Variants in ACSL3 observed in about 807,000 individuals in gnomAD.
ACSL3 encodes fatty acid CoA ligase Acsl3.
Under a neutral mutation model 84.7 loss-of-function variants are expected in ACSL3, and 34 were observed. The ratio of observed to expected loss-of-function variants is 0.40; its 90% CI spans 0.31 to 0.53. The LOEUF (loss-of-function observed/expected upper bound fraction) is 0.53. ACSL3 is among the 20% of genes least tolerant of loss of function. The pLI is 0.48. For synonymous variants in ACSL3, 315 were observed against 299.4 expected (o/e 1.05, Z -0.54); for missense variants, 680 against 873.1 (o/e 0.78, Z 2.79).
Position 222,932,815 on chromosome 2 carries a change from C to T in ACSL3, c.1733-351C>T, listed in dbSNP as rs1196847010. ...GCGCGGTGGCGGGCGCCTGTAGTCCCAGCTACTCGGGAGGCTGAGGCAGGA... is the reference window on the plus strand; with the variant it reads ...GCGCGGTGGCGGGCGCCTGTAGTCCTAGCTACTCGGGAGGCTGAGGCAGGA... On this transcript the variant is annotated intron_variant, in intron 14 of 16. Coordinates refer to ENST00000357430, the MANE Select transcript of ACSL3 (RefSeq NM_004457.5). Among the ~76,000 whole-genome samples the T allele has an allele frequency of 6.0e-5, 2 of 33,530 alleles. 1 individual carries two copies. Among genetic ancestry groups the T allele is most frequent in the Non-Finnish European group, 9.2e-5 (2 of 21,706 alleles). 22.0% of individuals were successfully genotyped at this position (33,530 alleles called of 152,430 possible).
At chr2:222,877,291 A>G (rs1487020023) in intron 1 of ACSL3, among the ~76,000 whole-genome samples, 1 of 152,128 alleles carries the variant, frequency 6.6e-6, no homozygotes, top group Non-Finnish European at 1.5e-5. Flanking sequence ...ATGGTTTTGT[A>G]CTTAGATTGT....
intron 1 of ACSL3, among the ~76,000 whole-genome samples, chr2:222,862,282 T>C (rs1695034097): frequency 6.6e-6 from 1 of 152,214 alleles, no homozygotes; most frequent in Non-Finnish European, 1.5e-5. Context: ...ATTGGACGAC[T>C]TAGCTTGCCT....
chr2:222,906,929 A>G (rs1696309194), intron 3 of ACSL3, among the ~76,000 whole-genome samples: 1 of 152,104 alleles, frequency 6.6e-6, no homozygotes, highest in South Asian at 2.1e-4. Flanking sequence ...GTTGTTTTTG[A>G]CAGTGCCATT....
intron 14 of ACSL3, among the ~76,000 whole-genome samples, chr2:222,931,468 TG>T (rs1559302861): frequency 6.6e-6 from 1 of 152,030 alleles, no homozygotes; most frequent in African/African-American, 2.4e-5. Flanking sequence ...ACTAGAAACC[TG>T]GGAGGAGACT....
intron 1 of ACSL3, among the ~76,000 whole-genome samples, chr2:222,866,713 A>G (rs556878627): frequency 2.9e-5 from 2 of 70,052 alleles, no homozygotes; most frequent in South Asian, 5.5e-4. Flanking sequence ...TTTTAATTAC[A>G]CAAAGTTGCT....
chr2:222,934,268 A>G (rs533620666), intron 15 of ACSL3, among the ~76,000 whole-genome samples: 2 of 152,240 alleles, frequency 1.3e-5, no homozygotes, highest in Admixed American at 6.5e-5. Flanking sequence ...GGCAGTATTC[A>G]TAACAGTTTT....
intron 1 of ACSL3, among the ~76,000 whole-genome samples, chr2:222,882,990 A>G (rs1398128288): frequency 3.9e-5 from 1 of 25,970 alleles, no homozygotes; most frequent in South Asian, 1.9e-3. Context: ...GATGGGCTCG[A>G]ATCTCCTGAC....
chr2:222,944,481 AT>A lies in ACSL3; in HGVS notation c.*2830del, dbSNP rs1467181414. ...ATCCTTTCTCTACTTAAAATTGGTTATTTACTGTGAGTTCATTTCCGATGTG... is the reference window on the plus strand; with the variant it reads ...ATCCTTTCTCTACTTAAAATTGGTTATTACTGTGAGTTCATTTCCGATGTG... On this transcript the variant is annotated 3_prime_UTR_variant, in exon 17 of 17. Coordinates refer to ENST00000357430, the MANE Select transcript of ACSL3 (RefSeq NM_004457.5). 2.0e-5 allele frequency: 3 copies of A among 151,938 alleles called. No homozygotes were observed. Among genetic ancestry groups the A allele is most frequent in the African/African-American group, 7.3e-5 (3 of 41,360 alleles). 9.4% of individuals were successfully genotyped at this position (151,938 alleles called of 1,614,324 possible).
At chr2:222,902,566 A>T (rs1176331951) in intron 3 of ACSL3, among the ~76,000 whole-genome samples, 1 of 152,236 alleles carries the variant, frequency 6.6e-6, no homozygotes, top group Non-Finnish European at 1.5e-5. Flanking sequence ...AAAGATATTG[A>T]TGCAGGATTC....
Position 222,908,895 on chromosome 2 carries a change from T to G in ACSL3, c.123T>G (p.Phe41Leu). 1 of 1,611,990 alleles carries G rather than the reference T, an allele frequency of 6.2e-7. No individual in the cohort carries two copies. Among genetic ancestry groups the G allele is most frequent in the Non-Finnish European group, 8.5e-7 (1 of 1,179,076 alleles). ...SLYTILTYIPFYFFSESRQEK... is the reference protein window; with the variant it reads ...SLYTILTYIPLYFFSESRQEK... ...ATACTATTTTAACATACATTCCGTT[T>G]TATTTTTTCTCCGAGTCAAGACAAG... The change falls in exon 4 of 17, where the codon TTT becomes TTG. Residue 41 changes from phenylalanine (F) to leucine (L), a missense_variant. By Grantham distance (22) the Phe-to-Leu change is conservative (BLOSUM62 0). This residue lies in a region of ACSL3 where 333 missense variants were observed against 347.5 expected (regional missense o/e 0.96). Coordinates refer to ENST00000357430, the MANE Select transcript of ACSL3 (RefSeq NM_004457.5).
intron 10 of ACSL3, among the ~76,000 whole-genome samples, chr2:222,923,402 G>A (rs942365587): frequency 5.9e-5 from 9 of 152,130 alleles, no homozygotes; most frequent in African/African-American, 2.2e-4. Context: ...ATACCTTCTT[G>A]TTAAAATAAA....
intron 1 of ACSL3, among the ~76,000 whole-genome samples, chr2:222,877,964 A>G (rs111941851): frequency 6.6e-5 from 10 of 152,168 alleles, no homozygotes; most frequent in Non-Finnish European, 1.2e-4. Context: ...ATAAGTCAAG[A>G]ACATAATGTG....
At chr2:222,909,201 T>G (rs202184974) in intron 4 of ACSL3, 51 bp downstream of exon 4, 1 of 1,546,166 alleles carries the variant, frequency 6.5e-7, no homozygotes. Context: ...AATATCCTGT[T>G]AGAAATGAAG....
In ACSL3 at chr2:222,918,123, A is replaced by G; in HGVS notation, c.634A>G (p.Thr212Ala). 6.2e-7 allele frequency: 1 copy of G among 1,612,130 alleles called. No individual in the cohort carries two copies. Among genetic ancestry groups the G allele is most frequent in the Non-Finnish European group, 8.5e-7 (1 of 1,178,760 alleles). The part of the protein sequence containing the change: ...LNETEVTNII[T>A]SKELLQTKLK... ...TGAAACAGAGGTGACCAACATCATT[A>G]CTAGTAAAGAACTCTTACAAACAAA... The change falls in exon 6 of 17, where the codon ACT becomes GCT. Residue 212 changes from threonine (T) to alanine (A), a missense_variant. Coordinates refer to ENST00000357430, the MANE Select transcript of ACSL3 (RefSeq NM_004457.5).
intron 1 of ACSL3, among the ~76,000 whole-genome samples, chr2:222,871,568 A>C (rs957600462): frequency 6.6e-6 from 1 of 152,224 alleles, no homozygotes; most frequent in South Asian, 2.1e-4. Flanking sequence ...ATAACTCTCC[A>C]GCTGGCAGCC....
intron 3 of ACSL3, chr2:222,905,094 C>T (rs1234611331): frequency 6.6e-6 from 1 of 152,354 alleles, no homozygotes; most frequent in Non-Finnish European, 1.5e-5. Flanking sequence ...AAGGATTGTT[C>T]AGGGGTGGTA....
intron 1 of ACSL3, among the ~76,000 whole-genome samples, chr2:222,884,009 A>G (rs1188580244): frequency 1.3e-5 from 2 of 152,192 alleles, no homozygotes; most frequent in East Asian, 3.8e-4. Context: ...GACATATTTT[A>G]AAATTTCCCA....
rs200594507 is a variant in ACSL3, at chr2:222,941,492, C to A, written c.2006-5C>A. 1.9e-6 allele frequency: 3 copies of A among 1,555,890 alleles called. No homozygotes were observed. Among genetic ancestry groups the A allele is most frequent in the African/African-American group, 1.4e-5 (1 of 69,784 alleles). ...TCTTCTTTTCTTTTTTTTTAATCAT[C>A]TTAGCAAGTCTGGAAAAGTTTGAAA... On this transcript the variant is annotated splice_region_variant and splice_polypyrimidine_tract_variant and intron_variant, in intron 16 of 16. Transcript: ENST00000357430.
intron 5 of ACSL3, 164 bp from the exon 6 acceptor site, chr2:222,917,882 T>G (rs1696625577): frequency 4.7e-6 from 2 of 429,562 alleles, no homozygotes; most frequent in Non-Finnish European, 8.2e-6. Context: ...GGTGTAATGT[T>G]GATTAGTATG....
Sources: allele counts gnomAD v4.1 joint callset (sites outside exome capture counted in the v4.1 genomes callset), GRCh38; gene constraint gnomAD v4.1.1; regional missense constraint gnomAD v4.1.1; transcripts MANE v1.5; gene names NCBI Gene and HGNC (gene_info 2026-07-23, HGNC 2026-07-21).